Variants in PARP9 observed in about 807,000 individuals in gnomAD.
The protein encoded by PARP9 is poly(ADP-ribose) polymerase family member 9.
In PARP9, 48 loss-of-function variants were observed where a neutral mutation model predicts 68.8. The ratio of observed to expected loss-of-function variants is 0.70; its 90% CI spans 0.55 to 0.89. PARP9 has a LOEUF of 0.89. Among genes scored for constraint, PARP9 ranks in the 40% least tolerant of loss-of-function variants. The probability of loss-of-function intolerance (pLI) is 0.00; values close to 1 mark genes in which losing one functional copy is unlikely to be tolerated. For synonymous variants in PARP9, 309 were observed against 333.8 expected (o/e 0.93, Z 0.81); for missense variants, 806 against 969.3 (o/e 0.83, Z 2.24).
rs974531610 is a variant in PARP9, at chr3:122,556,177, C to T, written c.50-56G>A. 5.8e-6 allele frequency: 5 copies of T among 862,868 alleles called. 1 individual carries two copies. Among genetic ancestry groups the T allele is most frequent in the Non-Finnish European group, 8.0e-6 (5 of 626,378 alleles). 53.5% of individuals were successfully genotyped at this position (862,868 alleles called of 1,614,324 possible). A position where few individuals can be genotyped will look rare whatever the true frequency, so the allele number is the denominator to read the frequency against. ...AAAAAAAAAAAAAAAAAAAAAAGCA[C>T]AGTTTGAAAGGTTGTAATCCCACTT... On this transcript the variant is annotated intron_variant, in intron 3 of 10. Transcript: ENST00000682323.
At chr3:122,529,502 G>C (rs761427972) in intron 10 of PARP9, among the ~76,000 whole-genome samples, 2 of 151,982 alleles carry the variant, frequency 1.3e-5, no homozygotes, top group African/African-American at 2.4e-5. Flanking sequence ...TGTAATCCCA[G>C]CACTTTGGTA....
intron 2 of PARP9, 57 bp from the exon 3 acceptor site, chr3:122,558,524 C>T (rs2107732427): frequency 1.3e-6 from 2 of 1,593,910 alleles, no homozygotes; most frequent in South Asian, 1.1e-5. Flanking sequence ...CTACAGCTTA[C>T]TGATAACCAA....
chr3:122,558,267 T>C (rs953478127), intron 3 of PARP9, 167 bp downstream of exon 3: 1 of 1,547,162 alleles, frequency 6.5e-7, no homozygotes, highest in Non-Finnish European at 8.9e-7. Flanking sequence ...TGCCTGCTGG[T>C]CGGTGCCACA....
rs185704837 is a variant in PARP9 at position 122,544,632 on chromosome 3, C to G, written c.1384+800G>C. Among the ~76,000 whole-genome samples, 191 of 152,012 alleles carry G rather than the reference C, an allele frequency of 1.3e-3. 2 individuals carry two copies. Among genetic ancestry groups the G allele is most frequent in the Non-Finnish European group, 1.8e-4 (12 of 67,962 alleles). On this transcript the variant is annotated intron_variant, in intron 7 of 10. Coordinates refer to ENST00000682323, the MANE Select transcript of PARP9 (RefSeq NM_001146105.2). ...AGGAGTTTAAGACCAGTCTGGGCAACATGGCGAAACCCCGTCTCTACCAAA... is the reference window on the plus strand; with the variant it reads ...AGGAGTTTAAGACCAGTCTGGGCAAGATGGCGAAACCCCGTCTCTACCAAA...
At chr3:122,559,174 A>G (rs2079977534) in intron 2 of PARP9, among the ~76,000 whole-genome samples, 1 of 152,234 alleles carries the variant, frequency 6.6e-6, no homozygotes, top group African/African-American at 2.4e-5. Flanking sequence ...TGGGGACATG[A>G]GCCTCATCAG....
chr3:122,562,148 G>A (rs1215786121), intron 1 of PARP9, among the ~76,000 whole-genome samples: 2 of 141,844 alleles, frequency 1.4e-5, no homozygotes, highest in African/African-American at 5.4e-5. Flanking sequence ...CTGAGCTGTG[G>A]CAATATACTC....
chr3:122,561,199 C>A (rs1256577712), intron 1 of PARP9, among the ~76,000 whole-genome samples: 2 of 152,228 alleles, frequency 1.3e-5, no homozygotes, highest in Non-Finnish European at 2.9e-5. Context: ...CGGCTCACAC[C>A]TGTAACCACA....
In PARP9 at chr3:122,536,213, C is replaced by T; in HGVS notation, c.2035G>A (p.Val679Met). 6.2e-7 allele frequency: 1 copy of T among 1,614,128 alleles called. No homozygotes were observed. Among genetic ancestry groups the T allele is most frequent in the Non-Finnish European group, 8.5e-7 (1 of 1,179,994 alleles). The change falls in exon 10 of 11, where the codon GTG (valine) becomes ATG (methionine). Residue 679 changes from valine to methionine, a missense_variant. Physicochemically the swap from Val to Met is conservative, Grantham distance 21. This residue lies in a region of PARP9 where 680 missense variants were observed against 858.8 expected (regional missense o/e 0.79). Transcript: ENST00000682323. ...CTTTGAAAGCCAACTCTGCATACCA[C>T]ATTGCAGAACTGGTATGGGACTTGC... ...FQQVPYQFCNVVCRVGFQRMY... is the reference protein window; with the variant it reads ...FQQVPYQFCNMVCRVGFQRMY...
chr3:122,539,096 A>C (rs775511592), intron 8 of PARP9, among the ~76,000 whole-genome samples: 2 of 152,172 alleles, frequency 1.3e-5, no homozygotes, highest in Non-Finnish European at 2.9e-5. Context: ...AAATTCTTTA[A>C]GGTTCCCTAT....
At chr3:122,563,089 T>G (rs921598897) in intron 1 of PARP9, among the ~76,000 whole-genome samples, 5 of 152,220 alleles carry the variant, frequency 3.3e-5, no homozygotes, top group Admixed American at 6.5e-5. Context: ...CAGGCCTCTC[T>G]GCCGCCACTC....
At chr3:122,561,296 T>G (rs1368663087) in intron 1 of PARP9, among the ~76,000 whole-genome samples, 1 of 152,136 alleles carries the variant, frequency 6.6e-6, no homozygotes, top group Non-Finnish European at 1.5e-5. Context: ...TCATCTCTAC[T>G]AAAAATACAA....
rs1020729167 is a variant in PARP9, at chr3:122,564,278, A to G, written c.-123T>C. 3 of 982,620 alleles carry G rather than the reference A, an allele frequency of 3.1e-6. No individual in the cohort carries two copies. The highest frequency in any genetic ancestry group is 2.8e-5 in the East Asian group (1 of 35,676). The allele number at this position is 982,620 out of a possible 1,614,324, so 60.9% of individuals were successfully genotyped here. A position where few individuals can be genotyped will look rare whatever the true frequency, so the allele number is the denominator to read the frequency against. Reference sequence around the variant, plus strand: ...CCGCTCTCCTCGGTGCAGACAGCACAGGGAGGAGGGGGAAGCGGCTCTGCC... The same window carrying G: ...CCGCTCTCCTCGGTGCAGACAGCACGGGGAGGAGGGGGAAGCGGCTCTGCC... On this transcript the variant is annotated 5_prime_UTR_variant, in exon 1 of 11. Transcript: ENST00000682323.
At chr3:122,537,210 G>A (rs557255260) in intron 8 of PARP9, 137 bp from the exon 9 acceptor site, 334 of 867,000 alleles carry the variant, frequency 3.9e-4, no homozygotes, top group African/African-American at 5.9e-4. Flanking sequence ...TAGGACATGC[G>A]AGGAGAGCTA....
At position 122,550,574 on chromosome 3, in the gene PARP9, ATTAAC is replaced by A; in HGVS notation, c.1326+5_1326+9del. 6.3e-7 allele frequency: 1 copy of A among 1,583,258 alleles called. No individual in the cohort carries two copies. Among genetic ancestry groups the A allele is most frequent in the East Asian group, 2.2e-5 (1 of 44,738 alleles). On this transcript the variant is annotated splice_donor_5th_base_variant and intron_variant, in intron 6 of 10. Transcript: ENST00000682323. ...ATGAACAGTAGGACATTTCTAAGAT[ATTAAC>A]TTACCTTATATATCTCCAAATCTGT... is the stretch of plus-strand genomic sequence containing the variant.
At chr3:122,564,409 C>A (rs2080506508), upstream of PARP9, 2 of 1,601,040 alleles carry the variant, frequency 1.2e-6, no homozygotes, top group Non-Finnish European at 1.7e-6. Flanking sequence ...CCCCCGCGCC[C>A]TCCCGACGCG....
chr3:122,534,719 T>C (rs949304906), intron 10 of PARP9: 6 of 207,492 alleles, frequency 2.9e-5, no homozygotes, highest in Admixed American at 6.6e-5. Flanking sequence ...CTAAAAAAAA[T>C]ACAAAAATTA....
intron 8 of PARP9, among the ~76,000 whole-genome samples, chr3:122,538,036 G>A (rs2077782640): frequency 6.6e-6 from 1 of 152,140 alleles, no homozygotes; most frequent in Admixed American, 6.5e-5. Flanking sequence ...AATTGAATGG[G>A]CTCAATTTAA....
rs556472491 is a variant in PARP9, at chr3:122,559,565, C to T, written c.15+41G>A. The T allele has an allele frequency of 2.7e-5, 42 of 1,557,020 alleles. No individual in the cohort carries two copies. The African/African-American group carries it at 3.8e-4, about 14-fold the overall frequency. Reference sequence around the variant, plus strand: ...TGTTATATAAAGAAGTATTCATGTGCTGATCAAGGTTCATGACGTATACAC... The same window carrying T: ...TGTTATATAAAGAAGTATTCATGTGTTGATCAAGGTTCATGACGTATACAC... On this transcript the variant is annotated intron_variant, in intron 2 of 10. Coordinates refer to ENST00000682323, the MANE Select transcript of PARP9 (RefSeq NM_001146105.2).
chr3:122,557,907 A>G (rs767386595), intron 3 of PARP9, among the ~76,000 whole-genome samples: 4 of 151,632 alleles, frequency 2.6e-5, no homozygotes, highest in Non-Finnish European at 4.4e-5. Flanking sequence ...GTATTGTTAA[A>G]ATGTGAAAAA....
Sources: allele counts gnomAD v4.1 joint callset (sites outside exome capture counted in the v4.1 genomes callset), GRCh38; gene constraint gnomAD v4.1.1; regional missense constraint gnomAD v4.1.1; transcripts MANE v1.5; gene names NCBI Gene and HGNC (gene_info 2026-07-23, HGNC 2026-07-21).